USH2A: variants seen among roughly 807,000 people sequenced by gnomAD.
USH2A encodes usherin, also known as Usher syndrome 2A (autosomal recessive, mild).
Under a neutral mutation model 538.9 loss-of-function variants are expected in USH2A, and 443 were observed. The observed-to-expected ratio is 0.82, with a 90% CI of 0.76 to 0.89. The LOEUF (loss-of-function observed/expected upper bound fraction) is 0.89. Ranked by LOEUF, USH2A falls within the 40% of genes least tolerant of loss-of-function variation. USH2A has a pLI of 0.00. For synonymous variants in USH2A, 2,413 were observed against 2,273.5 expected, an observed-to-expected ratio of 1.06 and a Z score of -1.75; for missense variants, 6,633 against 6,324.8, an observed-to-expected ratio of 1.05 and a Z score of -1.65.
chr1:215,716,946 C>A (rs943346622), intron 61 of USH2A, among the ~76,000 whole-genome samples: 4 of 152,096 alleles, frequency 2.6e-5, no homozygotes, highest in African/African-American at 9.7e-5. Context: ...ATCACTTTCC[C>A]AAGTGGTATG....
intron 37 of USH2A, among the ~76,000 whole-genome samples, chr1:215,964,417 A>G (rs918616884): frequency 1.3e-5 from 2 of 152,194 alleles, no homozygotes; most frequent in African/African-American, 2.4e-5. Flanking sequence ...TTTCAAATTT[A>G]GAAAAGCCTG....
chr1:216,021,234 T>C (rs1668837661), intron 32 of USH2A, among the ~76,000 whole-genome samples: 1 of 152,184 alleles, frequency 6.6e-6, no homozygotes, highest in African/African-American at 2.4e-5. Flanking sequence ...AGATCTCATC[T>C]TGAATTGTAG....
intron 4 of USH2A, among the ~76,000 whole-genome samples, chr1:216,363,612 A>C (rs1292511916): frequency 2.0e-5 from 3 of 152,062 alleles, no homozygotes; most frequent in Non-Finnish European, 4.4e-5. Flanking sequence ...CAGATATATA[A>C]ATATATGTGG....
At chr1:215,823,799 G>T (rs982454550) in intron 47 of USH2A, among the ~76,000 whole-genome samples, 7 of 151,476 alleles carry the variant, frequency 4.6e-5, no homozygotes, top group Non-Finnish European at 1.5e-5. Context: ...GCTTTCCTCT[G>T]ATCTAGTTTG....
At chr1:215,960,933 T>C (rs183278764) in intron 37 of USH2A, among the ~76,000 whole-genome samples, 1 of 152,196 alleles carries the variant, frequency 6.6e-6, no homozygotes, top group Admixed American at 6.6e-5. Context: ...TTGGCTAAGT[T>C]TGTCTGCCTT....
At chr1:215,888,212 A>G (rs376546028) in intron 41 of USH2A, among the ~76,000 whole-genome samples, 3 of 152,370 alleles carry the variant, frequency 2.0e-5, no homozygotes, top group East Asian at 3.9e-4. Flanking sequence ...AAATGGAAGC[A>G]TCTCAACAAT....
chr1:215,650,853 GAAAAAAAA>G lies in USH2A; in HGVS notation c.14134-60_14134-53del, dbSNP rs371744542. On this transcript the variant is annotated intron_variant, in intron 64 of 71. Transcript: ENST00000307340. ...CAAAAGCAAGATACCCTAAGGCTGG[GAAAAAAAA>G]AAAAAAAAGAAAGGAAAAAAAACGA... is the stretch of plus-strand genomic sequence containing the variant. The G allele has an allele frequency of 4.1e-6, 5 of 1,232,518 alleles. No homozygotes were observed. In the African/African-American group the frequency reaches 8.9e-5, roughly 22 times the overall value. The allele number at this position is 1,232,518 out of a possible 1,614,324, so 76.3% of individuals were successfully genotyped here. A position where few individuals can be genotyped will look rare whatever the true frequency, so the allele number is the denominator to read the frequency against.
chr1:215,663,779 A>G (rs911531476), intron 64 of USH2A, among the ~76,000 whole-genome samples: 1 of 152,164 alleles, frequency 6.6e-6, no homozygotes, highest in African/African-American at 2.4e-5. Context: ...AGTGGTTTCT[A>G]TGTATGAGGT....
At chr1:215,725,045 T>G (rs905218847) in intron 61 of USH2A, among the ~76,000 whole-genome samples, 3 of 152,118 alleles carry the variant, frequency 2.0e-5, no homozygotes, top group Non-Finnish European at 4.4e-5. Context: ...TTCCTTTACT[T>G]TTTTTTGAGA....
Position 216,051,120 on chromosome 1 carries a change from T to C in USH2A, c.6050-2473A>G, listed in dbSNP as rs550470977. On this transcript the variant is annotated intron_variant, in intron 30 of 71. Coordinates refer to ENST00000307340, the MANE Select transcript of USH2A (RefSeq NM_206933.4). ...CTTTTGTTTCTCAAGATTGGGTTGT[T>C]GTCAAGCTTCTTTCTTTTTCTAAAC... Among the ~76,000 whole-genome samples the C allele has an allele frequency of 2.0e-5, 3 of 152,272 alleles. No individual in the cohort carries two copies. In the South Asian group the frequency reaches 6.2e-4, roughly 32 times the overall value.
intron 11 of USH2A, among the ~76,000 whole-genome samples, chr1:216,286,947 G>A (rs933193960): frequency 2.6e-5 from 4 of 151,976 alleles, no homozygotes; most frequent in Non-Finnish European, 4.4e-5. Flanking sequence ...TTCATTTTAC[G>A]AGAGTATTAT....
intron 37 of USH2A, 128 bp from the exon 38 acceptor site, chr1:215,934,923 G>A (rs1666456416): frequency 1.2e-6 from 1 of 810,178 alleles, no homozygotes; most frequent in Non-Finnish European, 1.9e-6. Flanking sequence ...CACTCTAAGA[G>A]GCATTACATG....
chr1:216,136,510 C>A (rs1033073267), intron 21 of USH2A, among the ~76,000 whole-genome samples: 2 of 152,090 alleles, frequency 1.3e-5, no homozygotes, highest in African/African-American at 4.8e-5. Context: ...ATCTTTCCTG[C>A]ATCAGATTGA....
intron 60 of USH2A, among the ~76,000 whole-genome samples, chr1:215,731,056 T>C (rs778169213): frequency 6.6e-6 from 1 of 152,256 alleles, no homozygotes; most frequent in Non-Finnish European, 1.5e-5. Flanking sequence ...TTGTCTAGCT[T>C]CAGCCTTTCC....
Position 215,941,218 on chromosome 1 carries a change from T to C in USH2A, c.7121-6423A>G, listed in dbSNP as rs17025656. 2.6e-3 allele frequency among the ~76,000 whole-genome samples: 397 copies of C among 152,148 alleles called. 4 individuals are homozygous for C. Among genetic ancestry groups the C allele is most frequent in the African/African-American group, 8.9e-3 (368 of 41,538 alleles). On this transcript the variant is annotated intron_variant, in intron 37 of 71. Coordinates refer to ENST00000307340, the MANE Select transcript of USH2A (RefSeq NM_206933.4). ...CCTAAAACTGCTCTAAAAATAGTTA[T>C]AAAAATGAAAGATATATGTATATAT...
rs568323799 is a variant in USH2A at position 215,705,124 on chromosome 1, A to AT, written c.12066+22905dup. ...ATTTCATCTATTTAAACACACTGTT[A>AT]TTTTTTTAAAAACTATTTTATGTAT... is the stretch of plus-strand genomic sequence containing the variant. On this transcript the variant is annotated intron_variant, in intron 61 of 71. Coordinates refer to ENST00000307340, the MANE Select transcript of USH2A (RefSeq NM_206933.4). Among the ~76,000 whole-genome samples the AT allele has an allele frequency of 1.4e-4, 22 of 152,300 alleles. No individual in the cohort carries two copies. In the South Asian group the frequency reaches 2.3e-3, roughly 16 times the overall value.
rs1035987329 is a variant in USH2A, at chr1:215,801,503, C to T, written c.9740-2378G>A. Among the ~76,000 whole-genome samples, 12 of 150,418 alleles carry T rather than the reference C, an allele frequency of 8.0e-5. No homozygotes were observed. The East Asian group carries it at 2.1e-3, about 27-fold the overall frequency. ...GTTTCTATACACTAAGAATGAACAA[C>T]ATGAAAATAAAATTAATAAGATAAT... On this transcript the variant is annotated intron_variant, in intron 49 of 71. Transcript: ENST00000307340.
intron 3 of USH2A, among the ~76,000 whole-genome samples, chr1:216,389,731 A>G (rs1409888233): frequency 1.3e-5 from 2 of 152,168 alleles, no homozygotes; most frequent in Non-Finnish European, 2.9e-5. Context: ...ACAAATACCA[A>G]TCACATCCTA....
At chr1:215,996,384 C>T (rs1282120281) in intron 34 of USH2A, among the ~76,000 whole-genome samples, 1 of 152,092 alleles carries the variant, frequency 6.6e-6, no homozygotes, top group Non-Finnish European at 1.5e-5. Flanking sequence ...ACTTAGAATT[C>T]ATCAAGTTAC....
Sources: gnomAD v4.1 joint callset for allele counts (sites outside exome capture counted in the v4.1 genomes callset) on GRCh38, gnomAD v4.1.1 for gene constraint, MANE v1.5 for transcripts, NCBI Gene and HGNC (gene_info 2026-07-23, HGNC 2026-07-21) for gene names.